The following IL31RA variants were observed in gnomAD, a reference collection of about 807,000 sequenced individuals.
IL31RA encodes the protein interleukin 31 receptor A, also known as interleukin-31 receptor subunit alpha.
In IL31RA, 66 loss-of-function variants were observed where a neutral mutation model predicts 83.7. The observed-to-expected ratio is 0.79, with a 90% CI of 0.65 to 0.97. IL31RA has a LOEUF of 0.97. Ranked by LOEUF, IL31RA falls within the 50% of genes least tolerant of loss-of-function variation. IL31RA has a pLI of 0.00. For synonymous variants in IL31RA, 325 were observed against 329.0 expected, an observed-to-expected ratio of 0.99 and a Z score of 0.13; for missense variants, 798 against 919.4, an observed-to-expected ratio of 0.87 and a Z score of 1.71.
chr5:55,856,174 G>A (rs540299588), intron 1 of IL31RA, among the ~76,000 whole-genome samples: 51 of 152,322 alleles, frequency 3.3e-4, no homozygotes, highest in African/African-American at 1.2e-3. Context: ...TGGGATTACA[G>A]GCATGAGCCA....
At chr5:55,905,172 G>A (rs1456257101) in intron 8 of IL31RA, among the ~76,000 whole-genome samples, 1 of 149,524 alleles carries the variant, frequency 6.7e-6, no homozygotes, top group Non-Finnish European at 1.5e-5. Flanking sequence ...CTGCACTCCA[G>A]CCTGGGTGAC....
At chr5:55,884,102 C>T (rs566112414) in intron 5 of IL31RA, among the ~76,000 whole-genome samples, 2 of 152,156 alleles carry the variant, frequency 1.3e-5, no homozygotes, top group African/African-American at 4.8e-5. Flanking sequence ...TGATTTAAGC[C>T]TTTTGCATGT....
chr5:55,908,849 T>C, intron 11 of IL31RA: 2 of 1,349,414 alleles, frequency 1.5e-6, no homozygotes, highest in Non-Finnish European at 1.9e-6. Context: ...GGGCAAGGCT[T>C]GGATTCTTGC....
rs751170270 is a variant in IL31RA at position 55,906,198 on chromosome 5, A to T, written c.1162A>T (p.Met388Leu). 1 of 1,614,122 alleles carries T rather than the reference A, an allele frequency of 6.2e-7. No individual in the cohort carries two copies. Among genetic ancestry groups the T allele is most frequent in the Middle Eastern group, 1.7e-4 (1 of 6,060 alleles). The part of the protein sequence containing the change: ...QSSALDVNTW[M>L]IEWFPDVDSE... ...CTCTGCTCTAGACGTGAACACTTGGATGATTGAATGGTTTCCGGATGTGGA... is the reference window on the plus strand; with the variant it reads ...CTCTGCTCTAGACGTGAACACTTGGTTGATTGAATGGTTTCCGGATGTGGA... Residue 388 changes from methionine to leucine, a missense_variant, in exon 9 of 15, where the codon ATG becomes TTG. Coordinates refer to ENST00000652347, the MANE Select transcript of IL31RA (RefSeq NM_139017.7).
At chr5:55,867,304 CGTGTGTGTGTGTGCGTGT>C (rs1746239000) in intron 2 of IL31RA, among the ~76,000 whole-genome samples, 3 of 118,190 alleles carry the variant, frequency 2.5e-5, no homozygotes, top group African/African-American at 1.1e-4. Flanking sequence ...TGTGTGTGTG[CGTGTGTGTGTGTGCGTGT>C]GTGTGTGTGT....
At chr5:55,845,472 A>G in the IL31RA span, among the ~76,000 whole-genome samples, 1 of 147,350 alleles carries the variant, frequency 6.8e-6, no homozygotes, top group African/African-American at 2.5e-5. Context: ...TCCCCACCCA[A>G]AATCTCGTCT....
At position 55,905,856 on chromosome 5, in the gene IL31RA, TC is replaced by T. The variant is rs1297090673; in HGVS notation, c.1070-248del. On this transcript the variant is annotated intron_variant, in intron 8 of 14. Coordinates refer to ENST00000652347, the MANE Select transcript of IL31RA (RefSeq NM_139017.7). ...TTTAGTCATCAACTGTCTAGTGAGA[TC>T]CTTTTCTGGAAACAGGTCAATTTGG... 2.0e-5 allele frequency among the ~76,000 whole-genome samples: 3 copies of T among 152,250 alleles called. No individual in the cohort carries two copies. In the East Asian group the frequency reaches 5.8e-4, roughly 29 times the overall value.
Position 55,914,847 on chromosome 5 carries a change from C to A in IL31RA, c.1737C>A (p.Asn579Lys). 1 of 1,608,730 alleles carries A rather than the reference C, an allele frequency of 6.2e-7. No homozygotes were observed. The highest frequency in any genetic ancestry group is 2.2e-5 in the East Asian group (1 of 44,872). The change falls in exon 14 of 15, where the codon AAC becomes AAA. Residue 579 changes from asparagine (N) to lysine (K), a missense_variant and splice_region_variant. Asn to Lys is a moderately conservative substitution (Grantham distance 94). Coordinates refer to ENST00000652347, the MANE Select transcript of IL31RA (RefSeq NM_139017.7). ...LTVAYGLKKP[N>K]KLTHLCWPTV... ...ATCTTAAAATCTTCTCTCTCATTAG[C>A]AAATTGACTCATCTGTGTTGGCCCA...
At chr5:55,856,783 A>G (rs1261217880) in intron 1 of IL31RA, among the ~76,000 whole-genome samples, 1 of 152,186 alleles carries the variant, frequency 6.6e-6, no homozygotes, top group Admixed American at 6.5e-5. Flanking sequence ...CCTTTCGTAG[A>G]TAGTACTGGA....
rs1216283733 is a variant in IL31RA at position 55,921,333 on chromosome 5, C to T, written c.*4213C>T. 6.6e-6 allele frequency among the ~76,000 whole-genome samples: 1 copy of T among 152,176 alleles called. No homozygotes were observed. Among genetic ancestry groups the T allele is most frequent in the African/African-American group, 2.4e-5 (1 of 41,438 alleles). On this transcript the variant is annotated 3_prime_UTR_variant, in exon 15 of 15. Transcript: ENST00000652347. ...TTATGTTCTCCCATATATAAAAATT[C>T]ATGCATGAGCAAAGCATTTTGAACA...
chr5:55,906,896 A>T (rs1749192514), intron 9 of IL31RA, among the ~76,000 whole-genome samples: 1 of 152,104 alleles, frequency 6.6e-6, no homozygotes. Flanking sequence ...ATGAGGCTTT[A>T]CCCTTTTAAT....
Position 55,914,841 on chromosome 5 carries a change from C to T in IL31RA, c.1737-6C>T. On this transcript the variant is annotated splice_region_variant and splice_polypyrimidine_tract_variant and intron_variant, in intron 13 of 14. Coordinates refer to ENST00000652347, the MANE Select transcript of IL31RA (RefSeq NM_139017.7). ...ATTCCCATCTTAAAATCTTCTCTCT[C>T]ATTAGCAAATTGACTCATCTGTGTT... 1 of 1,604,830 alleles carries T rather than the reference C, an allele frequency of 6.2e-7. No homozygotes were observed. The highest frequency in any genetic ancestry group is 8.5e-7 in the Non-Finnish European group (1 of 1,171,400).
intron 8 of IL31RA, among the ~76,000 whole-genome samples, chr5:55,902,682 AAAGTGGAGGC>A (rs1748903234): frequency 6.6e-6 from 1 of 152,190 alleles, no homozygotes; most frequent in African/African-American, 2.4e-5. Flanking sequence ...TTTGCTTACT[AAAGTGGAGGC>A]AACTGGAGAA....
intron 2 of IL31RA, chr5:55,866,618 C>T (rs999840963): frequency 2.6e-5 from 4 of 152,390 alleles, no homozygotes; most frequent in African/African-American, 7.2e-5. Context: ...CAGTTCCTAA[C>T]AGGCCATGGA....
rs754484341 is a variant in IL31RA, at chr5:55,916,949, A to G, written c.2124A>G (p.Pro708=). ...RKSQYLRSRM[P]EGTRPEAKEQ... is the part of the protein sequence containing the mutation. ...CCCAATACCTACGTTCGAGGATGCC[A>G]GAGGGGACCCGCCCAGAAGCCAAAG... Residue 708 remains proline, a synonymous_variant, in exon 15 of 15, where the codon CCA becomes CCG. Coordinates refer to ENST00000652347, the MANE Select transcript of IL31RA (RefSeq NM_139017.7). 1.1e-5 allele frequency: 18 copies of G among 1,613,846 alleles called. No individual in the cohort carries two copies. The Admixed American group carries it at 3.0e-4, about 27-fold the overall frequency.
intron 2 of IL31RA, 134 bp downstream of exon 2, chr5:55,859,733 T>C: frequency 1.4e-6 from 1 of 734,676 alleles, no homozygotes; most frequent in African/African-American, 1.7e-5. Context: ...ACACCCTGAA[T>C]TTGTGTGTGT....
intron 2 of IL31RA, among the ~76,000 whole-genome samples, chr5:55,864,202 G>T (rs1395108683): frequency 6.6e-6 from 1 of 152,040 alleles, no homozygotes; most frequent in Non-Finnish European, 1.5e-5. Flanking sequence ...GAGTATGAGC[G>T]AAATGGGGGT....
At chr5:55,911,703 A>C (rs1286044094) in intron 12 of IL31RA, among the ~76,000 whole-genome samples, 1 of 152,128 alleles carries the variant, frequency 6.6e-6, no homozygotes, top group Non-Finnish European at 1.5e-5. Flanking sequence ...AGAAACAGAT[A>C]TATATTAATT....
chr5:55,842,520 C>G, the IL31RA span, among the ~76,000 whole-genome samples: 1 of 152,210 alleles, frequency 6.6e-6, no homozygotes, highest in Non-Finnish European at 1.5e-5. Flanking sequence ...ATTTTGAACA[C>G]TTACTTTCAA....
Sources: gnomAD v4.1 joint callset for allele counts (sites outside exome capture counted in the v4.1 genomes callset) on GRCh38, gnomAD v4.1.1 for gene constraint, MANE v1.5 for transcripts, NCBI Gene and HGNC (gene_info 2026-07-23, HGNC 2026-07-21) for gene names.